CRPPA: variants seen among roughly 807,000 people sequenced by gnomAD.
CRPPA encodes the protein CDP-L-ribitol pyrophosphorylase A.
A neutral mutation model predicts 52.0 loss-of-function variants in CRPPA; 43 were observed. The observed-to-expected ratio is 0.83, with a 90% CI of 0.65 to 1.07. The LOEUF (loss-of-function observed/expected upper bound fraction) is 1.07, where lower values mean the gene tolerates loss of function less well. CRPPA is among the 50% of genes least tolerant of loss of function. The pLI is 0.00. For missense variants in CRPPA, 629 were observed against 551.7 expected (o/e 1.14, Z -1.40); for synonymous variants, 250 against 203.5 (o/e 1.23, Z -1.94).
intron 9 of CRPPA, among the ~76,000 whole-genome samples, chr7:16,151,919 A>C (rs112752317): frequency 5.1e-4 from 77 of 152,172 alleles, no homozygotes; most frequent in African/African-American, 1.8e-3. Context: ...TCCCTGACTG[A>C]AAACATAGTG....
chr7:16,372,012 A>G (rs574839900), intron 3 of CRPPA, among the ~76,000 whole-genome samples: 55 of 151,888 alleles, frequency 3.6e-4, no homozygotes, highest in African/African-American at 7.7e-4. Flanking sequence ...AGACGAAGTA[A>G]AAAAAAAATT....
chr7:16,170,986 G>T (rs1394268469), intron 9 of CRPPA, among the ~76,000 whole-genome samples: 4 of 152,202 alleles, frequency 2.6e-5, no homozygotes, highest in Non-Finnish European at 5.9e-5. Flanking sequence ...AGGGAAGCCG[G>T]CTCCAGCCTT....
chr7:16,138,782 C>T (rs1003559821), intron 9 of CRPPA, among the ~76,000 whole-genome samples: 1 of 151,986 alleles, frequency 6.6e-6, no homozygotes, highest in East Asian at 1.9e-4. Flanking sequence ...TTTACCCCCC[C>T]ACACATTATT....
chr7:16,089,480 T>G lies in CRPPA; in HGVS notation c.*2215A>C, dbSNP rs1224138585. The G allele has an allele frequency of 9.6e-6, 3 of 311,640 alleles. No individual in the cohort carries two copies. The highest frequency in any genetic ancestry group is 2.1e-5 in the Non-Finnish European group (3 of 142,428). 19.3% of individuals were successfully genotyped at this position (311,640 alleles called of 1,614,324 possible). On this transcript the variant is annotated 3_prime_UTR_variant, in exon 10 of 10. Coordinates refer to ENST00000407010, the MANE Select transcript of CRPPA (RefSeq NM_001101426.4). Reference sequence around the variant, plus strand: ...ATATGTGTATATATGTACGTACATATATACGGGTATATATGTACGTACATA... The same window carrying G: ...ATATGTGTATATATGTACGTACATAGATACGGGTATATATGTACGTACATA...
At chr7:16,281,670 G>T (rs978395476) in intron 5 of CRPPA, among the ~76,000 whole-genome samples, 10 of 152,186 alleles carry the variant, frequency 6.6e-5, no homozygotes, top group Admixed American at 2.6e-4. Context: ...CAAGATTGGT[G>T]TCATGTCTTC....
intron 9 of CRPPA, among the ~76,000 whole-genome samples, chr7:16,099,657 A>T (rs945627023): frequency 6.6e-6 from 1 of 152,170 alleles, no homozygotes; most frequent in Admixed American, 6.5e-5. Context: ...CAGTGAGGAA[A>T]AATGTAGACA....
chr7:16,307,662 T>C (rs1295991151), intron 4 of CRPPA, among the ~76,000 whole-genome samples: 1 of 95,484 alleles, frequency 1.0e-5, no homozygotes, highest in East Asian at 2.8e-4. Flanking sequence ...GCCAGAAGAG[T>C]GAAACTCTGT....
chr7:16,324,037 G>C (rs1267595377), intron 3 of CRPPA, among the ~76,000 whole-genome samples: 1 of 152,176 alleles, frequency 6.6e-6, no homozygotes, highest in African/African-American at 2.4e-5. Flanking sequence ...AGATGTCCAT[G>C]CACTGGCGAC....
At chr7:16,235,964 C>T (rs1324162481) in intron 8 of CRPPA, 1 of 152,050 alleles carries the variant, frequency 6.6e-6, no homozygotes, top group African/African-American at 2.4e-5. Flanking sequence ...GGTGACTCAT[C>T]ATTTCAAGCT....
intron 3 of CRPPA, among the ~76,000 whole-genome samples, chr7:16,334,420 C>T (rs1288382390): frequency 1.1e-4 from 16 of 152,200 alleles, no homozygotes; most frequent in Non-Finnish European, 1.9e-4. Flanking sequence ...ACCCTAGCTG[C>T]AGAGCTGTTA....
At chr7:16,170,905 C>G (rs1039009270) in intron 9 of CRPPA, among the ~76,000 whole-genome samples, 1 of 152,248 alleles carries the variant, frequency 6.6e-6, no homozygotes, top group Non-Finnish European at 1.5e-5. Flanking sequence ...GGAACTTGCA[C>G]TGGCCTGCGA....
chr7:16,369,446 C>T (rs1000819609), intron 3 of CRPPA, among the ~76,000 whole-genome samples: 4 of 152,186 alleles, frequency 2.6e-5, no homozygotes, highest in African/African-American at 4.8e-5. Context: ...GGCCTGGTTT[C>T]GGGCCTGGCA....
intron 9 of CRPPA, among the ~76,000 whole-genome samples, chr7:16,176,977 A>AC (rs1781312877): frequency 6.6e-6 from 1 of 152,174 alleles, no homozygotes; most frequent in Non-Finnish European, 1.5e-5. Context: ...CATTAAGAAA[A>AC]ACCTATTGAT....
chr7:16,286,070 T>TTTAAAAAA (rs1562608552), intron 5 of CRPPA, among the ~76,000 whole-genome samples: 9 of 21,772 alleles, frequency 4.1e-4, no homozygotes, highest in African/African-American at 9.4e-4. Flanking sequence ...TATATATATA[T>TTTAAAAAA]ATATATATAT....
chr7:16,187,460 A>G (rs1781528485), intron 9 of CRPPA, among the ~76,000 whole-genome samples: 1 of 152,218 alleles, frequency 6.6e-6, no homozygotes, highest in Admixed American at 6.5e-5. Flanking sequence ...GAGAAAACAA[A>G]GGAACTGGGA....
At chr7:16,134,644 T>C (rs1782732883) in intron 9 of CRPPA, among the ~76,000 whole-genome samples, 1 of 152,082 alleles carries the variant, frequency 6.6e-6, no homozygotes, top group African/African-American at 2.4e-5. Flanking sequence ...TAATCAATAA[T>C]CAATGATCAA....
intron 2 of CRPPA, among the ~76,000 whole-genome samples, chr7:16,385,096 A>G (rs1787221940): frequency 6.6e-6 from 1 of 152,214 alleles, no homozygotes. Flanking sequence ...TTACACTTAG[A>G]TAAATAGACG....
intron 9 of CRPPA, among the ~76,000 whole-genome samples, chr7:16,127,622 C>T (rs1314588249): frequency 1.3e-5 from 2 of 151,890 alleles, no homozygotes; most frequent in Non-Finnish European, 2.9e-5. Flanking sequence ...TATAAAAAAT[C>T]ATAATCACAA....
intron 9 of CRPPA, among the ~76,000 whole-genome samples, chr7:16,215,386 C>A (rs1186199635): frequency 1.3e-5 from 2 of 152,176 alleles, no homozygotes; most frequent in Non-Finnish European, 2.9e-5. Context: ...AATTCTATTT[C>A]TTAATAGATT....
Sources: gnomAD v4.1 joint callset for allele counts (sites outside exome capture counted in the v4.1 genomes callset) on GRCh38, gnomAD v4.1.1 for gene constraint, MANE v1.5 for transcripts, NCBI Gene and HGNC (gene_info 2026-07-23, HGNC 2026-07-21) for gene names.